Variants in FILIP1L observed in about 807,000 individuals in gnomAD.
FILIP1L encodes the protein filamin A-interacting protein 1-like.
Under a neutral mutation model 96.6 loss-of-function variants are expected in FILIP1L, and 55 were observed. The observed-to-expected ratio is 0.57, with a 90% CI of 0.46 to 0.71. The LOEUF is 0.71. FILIP1L is among the 30% of genes least tolerant of loss of function. The probability of loss-of-function intolerance (pLI) is 0.00; values close to 1 mark genes in which losing one functional copy is unlikely to be tolerated. For synonymous variants in FILIP1L, 467 were observed against 473.9 expected (o/e 0.99, Z 0.19); for missense variants, 1,304 against 1,321.2 (o/e 0.99, Z 0.20).
At chr3:99,926,229 A>G (rs1707288967) in intron 3 of FILIP1L, among the ~76,000 whole-genome samples, 1 of 152,262 alleles carries the variant, frequency 6.6e-6, no homozygotes, top group South Asian at 2.1e-4. Flanking sequence ...GAGGTGTCCC[A>G]GCATATAGAA....
chr3:99,959,484 AT>A (rs1708431648), intron 1 of FILIP1L, among the ~76,000 whole-genome samples: 3 of 152,288 alleles, frequency 2.0e-5, no homozygotes, highest in South Asian at 4.1e-4. Flanking sequence ...TATTTTCTAT[AT>A]AAATATTAAA....
intron 1 of FILIP1L, among the ~76,000 whole-genome samples, chr3:99,953,634 T>C (rs1708241105): frequency 6.6e-6 from 1 of 152,230 alleles, no homozygotes; most frequent in Admixed American, 6.5e-5. Flanking sequence ...GGGCTGTTCC[T>C]ATTGTCTTGC....
intron 1 of FILIP1L, among the ~76,000 whole-genome samples, chr3:99,983,416 A>ATG (rs1491573257): frequency 4.1e-5 from 4 of 96,958 alleles, no homozygotes; most frequent in East Asian, 5.3e-4. Flanking sequence ...ATATATATAT[A>ATG]TATGTATGTA....
At chr3:99,938,213 C>G (rs1707750430) in intron 1 of FILIP1L, among the ~76,000 whole-genome samples, 1 of 152,214 alleles carries the variant, frequency 6.6e-6, no homozygotes, top group African/African-American at 2.4e-5. Flanking sequence ...TCTGCTATCC[C>G]TCACCCCCAG....
At chr3:100,088,877 T>A (rs1315805842) in intron 1 of FILIP1L, among the ~76,000 whole-genome samples, 1 of 152,172 alleles carries the variant, frequency 6.6e-6, no homozygotes, top group Non-Finnish European at 1.5e-5. Context: ...TTCCTTTTTG[T>A]GATGTAAATG....
At chr3:99,877,286 A>G (rs1368393690) in intron 4 of FILIP1L, among the ~76,000 whole-genome samples, 1 of 152,224 alleles carries the variant, frequency 6.6e-6, no homozygotes, top group Non-Finnish European at 1.5e-5. Context: ...TATGATGTAC[A>G]TATGTCTGTA....
chr3:99,880,955 TGTA>T (rs1705706408), intron 4 of FILIP1L, among the ~76,000 whole-genome samples: 1 of 152,242 alleles, frequency 6.6e-6, no homozygotes, highest in Non-Finnish European at 1.5e-5. Context: ...GTGGCTTTTC[TGTA>T]GACATTGGGC....
intron 1 of FILIP1L, among the ~76,000 whole-genome samples, chr3:100,063,364 T>C (rs1292943499): frequency 1.3e-5 from 2 of 152,238 alleles, no homozygotes; most frequent in East Asian, 3.8e-4. Flanking sequence ...AGGGTCTGAA[T>C]GACTTATTAC....
intron 1 of FILIP1L, among the ~76,000 whole-genome samples, chr3:99,958,203 C>CATTATTATT (rs71688408): frequency 1.7e-4 from 23 of 132,708 alleles, no homozygotes; most frequent in South Asian, 2.7e-4. Flanking sequence ...GCCCTGCATG[C>CATTATTATT]ATTATTATTA....
intron 1 of FILIP1L, among the ~76,000 whole-genome samples, chr3:100,068,216 A>C (rs2065699408): frequency 6.6e-6 from 1 of 152,240 alleles, no homozygotes; most frequent in East Asian, 1.9e-4. Context: ...TGGTATTGAC[A>C]AAGATACAGT....
intron 4 of FILIP1L, among the ~76,000 whole-genome samples, chr3:99,900,449 C>T (rs1357688840): frequency 6.6e-6 from 1 of 152,190 alleles, no homozygotes; most frequent in Non-Finnish European, 1.5e-5. Flanking sequence ...AACTGAGTCT[C>T]TAAGAGGTCA....
At chr3:99,997,389 C>T (rs1314357084) in intron 1 of FILIP1L, among the ~76,000 whole-genome samples, 2 of 152,192 alleles carry the variant, frequency 1.3e-5, no homozygotes, top group Non-Finnish European at 2.9e-5. Flanking sequence ...CTTTTTAATC[C>T]TCACAAGTGT....
chr3:99,996,080 G>T (rs1302893916), intron 1 of FILIP1L, among the ~76,000 whole-genome samples: 1 of 152,100 alleles, frequency 6.6e-6, no homozygotes, highest in East Asian at 1.9e-4. Flanking sequence ...ACATTGTTAG[G>T]CTGCAAATTT....
chr3:99,959,235 A>G (rs1465414313), intron 1 of FILIP1L, among the ~76,000 whole-genome samples: 2 of 152,206 alleles, frequency 1.3e-5, no homozygotes, highest in Non-Finnish European at 2.9e-5. Flanking sequence ...TGCAACCTCC[A>G]ACTCCCAGGT....
At chr3:99,846,131 C>T (rs1180350413) in intron 5 of FILIP1L, among the ~76,000 whole-genome samples, 2 of 152,148 alleles carry the variant, frequency 1.3e-5, no homozygotes, top group Non-Finnish European at 2.9e-5. Flanking sequence ...ACAAGTGTGC[C>T]AAGAATGGAT....
intron 1 of FILIP1L, among the ~76,000 whole-genome samples, chr3:100,045,812 G>C (rs1039828968): frequency 3.3e-5 from 5 of 152,212 alleles, no homozygotes; most frequent in African/African-American, 1.2e-4. Flanking sequence ...ATGTCAGCAA[G>C]GCCTTCTGGG....
intron 1 of FILIP1L, among the ~76,000 whole-genome samples, chr3:99,952,878 GA>G (rs1437569837): frequency 2.0e-5 from 3 of 152,046 alleles, no homozygotes; most frequent in Non-Finnish European, 4.4e-5. Flanking sequence ...TCTGCATAAT[GA>G]AAAAAAGAAT....
At chr3:99,913,237 C>T (rs779506383) in intron 4 of FILIP1L, among the ~76,000 whole-genome samples, 22 of 152,204 alleles carry the variant, frequency 1.4e-4, no homozygotes, top group Non-Finnish European at 3.2e-4. Flanking sequence ...ACAGCCCCAG[C>T]GGACTAAGGC....
At chr3:99,991,757 A>G (rs1170163510) in intron 1 of FILIP1L, among the ~76,000 whole-genome samples, 2 of 151,780 alleles carry the variant, frequency 1.3e-5, no homozygotes, top group African/African-American at 4.8e-5. Context: ...AGTTCCATCT[A>G]TGTTGCTGCA....
Sources: gnomAD v4.1 joint callset for allele counts (sites outside exome capture counted in the v4.1 genomes callset) on GRCh38, gnomAD v4.1.1 for gene constraint, MANE v1.5 for transcripts, NCBI Gene and HGNC (gene_info 2026-07-23, HGNC 2026-07-21) for gene names.